The following PARD3B variants were observed in gnomAD, a reference collection of about 807,000 sequenced individuals.
PARD3B encodes par-3 family cell polarity regulator beta, also known as partitioning defective 3 homolog B.
Under a neutral mutation model 130.2 loss-of-function variants are expected in PARD3B, and 103 were observed. The observed-to-expected ratio is 0.79, with a 90% CI of 0.67 to 0.93. PARD3B has a LOEUF of 0.93. Ranked by LOEUF, PARD3B falls within the 40% of genes least tolerant of loss-of-function variation. The probability of loss-of-function intolerance (pLI) is 0.00; values close to 1 mark genes in which losing one functional copy is unlikely to be tolerated. For synonymous variants in PARD3B, 583 were observed against 553.2 expected (o/e 1.05, Z -0.76); for missense variants, 1,609 against 1,499.2 (o/e 1.07, Z -1.21).
At chr2:204,915,306 T>G (rs1247677609) in intron 2 of PARD3B, among the ~76,000 whole-genome samples, 1 of 152,296 alleles carries the variant, frequency 6.6e-6, no homozygotes, top group East Asian at 1.9e-4. Flanking sequence ...TAATAAAATT[T>G]AATTTTAATT....
intron 1 of PARD3B, among the ~76,000 whole-genome samples, chr2:204,568,336 C>T (rs2031799275): frequency 6.6e-6 from 1 of 151,912 alleles, no homozygotes; most frequent in Non-Finnish European, 1.5e-5. Context: ...TTTTATTTAA[C>T]AATAACAGAA....
chr2:205,076,129 G>A (rs1701045914), intron 4 of PARD3B, among the ~76,000 whole-genome samples: 1 of 152,074 alleles, frequency 6.6e-6, no homozygotes, highest in Admixed American at 6.6e-5. Context: ...TAATTGCTTT[G>A]TAAAGTTCTG....
In PARD3B at chr2:205,183,540, A is replaced by AGT. The variant is rs2035913526; in HGVS notation, c.1925-2222_1925-2221dup. Among the ~76,000 whole-genome samples, 1 of 152,166 alleles carries AGT rather than the reference A, an allele frequency of 6.6e-6. No homozygotes were observed. Among genetic ancestry groups the AGT allele is most frequent in the Non-Finnish European group, 1.5e-5 (1 of 68,026 alleles). Reference sequence around the variant, plus strand: ...AGGGTTGGAGGTGGTGCAGGGGCACAGTGCAGGCGCTGCCTTTGTGCTTCT... The same window carrying AGT: ...AGGGTTGGAGGTGGTGCAGGGGCACAGTGTGCAGGCGCTGCCTTTGTGCTTCT... On this transcript the variant is annotated intron_variant, in intron 13 of 22. Transcript: ENST00000406610. This position sits in a 1 kb window ranked among gnomAD's most constrained non-coding sequence, Gnocchi z 5.2.
chr2:205,571,631 A>G (rs1372819063), intron 22 of PARD3B, among the ~76,000 whole-genome samples: 1 of 152,236 alleles, frequency 6.6e-6, no homozygotes, highest in Non-Finnish European at 1.5e-5. Context: ...CAGGACTAAC[A>G]GGGTTTGGCT....
rs762162423 is a variant in PARD3B, at chr2:205,158,803, T to C, written c.1516T>C (p.Ser506Pro). The change falls in exon 11 of 23, where the codon TCT becomes CCT. Residue 506 changes from serine (S) to proline (P), a missense_variant. Transcript: ENST00000406610. The surrounding 1 kb of genome is among the most constrained non-coding windows in gnomAD (Gnocchi z 5.4). ...TGAGATCCCCCTGAATGATTCAGGT[T>C]CTGCTGGCCTCGGGGTGAGCTTAAA... is the stretch of plus-strand genomic sequence containing the variant. ...TFEIPLNDSGSAGLGVSLKGN... is the reference protein window; with the variant it reads ...TFEIPLNDSGPAGLGVSLKGN... 1 of 1,614,164 alleles carries C rather than the reference T, an allele frequency of 6.2e-7. No individual in the cohort carries two copies. The highest frequency in any genetic ancestry group is 8.5e-7 in the Non-Finnish European group (1 of 1,179,998).
intron 2 of PARD3B, among the ~76,000 whole-genome samples, chr2:204,762,682 T>A (rs377130629): frequency 6.6e-6 from 1 of 152,132 alleles, no homozygotes; most frequent in East Asian, 1.9e-4. Context: ...TTGTTTTGAA[T>A]CTTATATGTT....
In PARD3B at chr2:205,461,907, C is replaced by T. The variant is rs761802504; in HGVS notation, c.3044+21235C>T. Reference sequence around the variant, plus strand: ...GTTCCTTAACTGAAAGAGAAATGCTCAGGCAGGGCTTAAAGGAAGAAATAC... The same window carrying T: ...GTTCCTTAACTGAAAGAGAAATGCTTAGGCAGGGCTTAAAGGAAGAAATAC... On this transcript the variant is annotated intron_variant, in intron 20 of 22. Coordinates refer to ENST00000406610, the MANE Select transcript of PARD3B (RefSeq NM_001302769.2). This position sits in a 1 kb window ranked among gnomAD's most constrained non-coding sequence, Gnocchi z 4.3. Among the ~76,000 whole-genome samples, 2 of 152,166 alleles carry T rather than the reference C, an allele frequency of 1.3e-5. No homozygotes were observed. The highest frequency in any genetic ancestry group is 2.9e-5 in the Non-Finnish European group (2 of 68,042).
rs1246026468 is a variant in PARD3B, at chr2:204,890,132, G to T, written c.223-75020G>T. Among the ~76,000 whole-genome samples the T allele has an allele frequency of 6.6e-6, 1 of 152,146 alleles. No homozygotes were observed. Among genetic ancestry groups the T allele is most frequent in the South Asian group, 2.1e-4 (1 of 4,834 alleles). On this transcript the variant is annotated intron_variant, in intron 2 of 22. Coordinates refer to ENST00000406610, the MANE Select transcript of PARD3B (RefSeq NM_001302769.2). The surrounding 1 kb of genome is among the most constrained non-coding windows in gnomAD (Gnocchi z 4.9). ...CTGCTTTGCCTTCTCCGCCTTCTCC[G>T]CATGCCAGCAGGAGCACTCACCACA...
chr2:205,486,785 C>G (rs1411437208), intron 20 of PARD3B, among the ~76,000 whole-genome samples: 1 of 152,000 alleles, frequency 6.6e-6, no homozygotes, highest in Admixed American at 6.6e-5. Flanking sequence ...CCCACCAGGC[C>G]CCACCTCCAG....
At chr2:205,170,253 C>A (rs918101898) in intron 11 of PARD3B, among the ~76,000 whole-genome samples, 1 of 152,110 alleles carries the variant, frequency 6.6e-6, no homozygotes, top group African/African-American at 2.4e-5. Flanking sequence ...TTCATGTAGC[C>A]TTATGCTTTT....
chr2:204,934,840 C>T (rs558272076), intron 2 of PARD3B, among the ~76,000 whole-genome samples: 7 of 152,142 alleles, frequency 4.6e-5, no homozygotes, highest in Non-Finnish European at 8.8e-5. Flanking sequence ...GGGCAAGAGA[C>T]TTGAAGGGTA....
At chr2:205,524,696 C>T (rs750325663) in intron 21 of PARD3B, among the ~76,000 whole-genome samples, 8 of 152,162 alleles carry the variant, frequency 5.3e-5, no homozygotes, top group Non-Finnish European at 1.2e-4. Flanking sequence ...AGAATGCTGC[C>T]ACTTCCAACA....
chr2:205,310,846 C>T (rs1205857760), intron 18 of PARD3B, among the ~76,000 whole-genome samples: 1 of 150,798 alleles, frequency 6.6e-6, no homozygotes, highest in African/African-American at 2.4e-5. Context: ...GCCTCAGCCT[C>T]CTGAGTAGCT....
At chr2:204,624,044 TTGG>T (rs1354160876) in intron 1 of PARD3B, among the ~76,000 whole-genome samples, 1 of 152,172 alleles carries the variant, frequency 6.6e-6, no homozygotes, top group Non-Finnish European at 1.5e-5. Context: ...CATTCATCTG[TTGG>T]TGGACATTTA....
At chr2:204,988,068 G>A (rs1263818898) in intron 3 of PARD3B, among the ~76,000 whole-genome samples, 1 of 152,088 alleles carries the variant, frequency 6.6e-6, no homozygotes, top group Admixed American at 6.6e-5. Context: ...TGCAGGAGGA[G>A]GATGAGGGCA....
intron 1 of PARD3B, among the ~76,000 whole-genome samples, chr2:204,679,878 A>G (rs2036739725): frequency 6.6e-6 from 1 of 152,000 alleles, no homozygotes; most frequent in South Asian, 2.1e-4. Flanking sequence ...TAACTCTTGC[A>G]TGACTGTAAT....
At chr2:205,335,550 C>G (rs2043281529) in intron 18 of PARD3B, among the ~76,000 whole-genome samples, 1 of 152,028 alleles carries the variant, frequency 6.6e-6, no homozygotes, top group African/African-American at 2.4e-5. Context: ...CGTGGCTGTT[C>G]CAACATGTTG....
intron 22 of PARD3B, among the ~76,000 whole-genome samples, chr2:205,612,654 TCTCTCTGAAAAATTA>T: frequency 6.6e-6 from 1 of 152,216 alleles, no homozygotes; most frequent in South Asian, 2.1e-4. Context: ...TTGTTTTTCT[TCTCTCTGAAAAATTA>T]AAAATGCTAA....
At position 205,440,548 on chromosome 2, in the gene PARD3B, C is replaced by T. The variant is rs201407485; in HGVS notation, c.2920C>T (p.Pro974Ser). Residue 974 changes from proline (P) to serine (S), a missense_variant, in exon 20 of 23, where the codon CCC becomes TCC. Coordinates refer to ENST00000406610, the MANE Select transcript of PARD3B (RefSeq NM_001302769.2). This position sits in a 1 kb window ranked among gnomAD's most constrained non-coding sequence, Gnocchi z 4.2. ...TSANVFRSPS[P>S]PRAGPFGYPR... ...AGCAAATGTCTTTAGATCTCCATCT[C>T]CCCCTCGAGCTGGACCATTTGGTTA... The T allele has an allele frequency of 3.8e-5, 61 of 1,614,084 alleles. No individual in the cohort carries two copies. The African/African-American group carries it at 7.6e-4, about 20-fold the overall frequency.
Sources: gnomAD v4.1 joint callset for allele counts (sites outside exome capture counted in the v4.1 genomes callset) on GRCh38, gnomAD v4.1.1 for gene constraint, Gnocchi (gnomAD v3.1) non-coding constraint, MANE v1.5 for transcripts, NCBI Gene and HGNC (gene_info 2026-07-23, HGNC 2026-07-21) for gene names.